The following SCN1B variants were observed in gnomAD, a reference collection of about 807,000 sequenced individuals.
SCN1B encodes sodium channel regulatory subunit beta-1.
A neutral mutation model predicts 25.7 loss-of-function variants in SCN1B; 11 were observed. The observed-to-expected ratio is 0.43, with a 90% CI of 0.27 to 0.71. SCN1B has a LOEUF of 0.71. Among genes scored for constraint, SCN1B ranks in the 30% least tolerant of loss-of-function variants. The pLI is 0.21. For missense variants in SCN1B, 224 were observed against 291.5 expected (o/e 0.77, Z 1.69); for synonymous variants, 119 against 117.5 (o/e 1.01, Z -0.08).
chr19:35,030,749 G>A lies in SCN1B; in HGVS notation c.-72G>A, dbSNP rs1568347863. The A allele has an allele frequency of 8.4e-6, 4 of 478,046 alleles. No individual in the cohort carries two copies. Among genetic ancestry groups the A allele is most frequent in the Middle Eastern group, 6.9e-4 (1 of 1,442 alleles). The allele number at this position is 478,046 out of a possible 1,614,324, so 29.6% of individuals were successfully genotyped here. ...CCCGGGGACATTCTAACCGCCGCCA[G>A]GTCCCGCCGCCTCTCGCCCCGCTAT... On this transcript the variant is annotated 5_prime_UTR_variant, in exon 1 of 6. Transcript: ENST00000262631.
intron 3 of SCN1B, chr19:35,037,958 CTT>C (rs1243802312): frequency 6.6e-6 from 1 of 151,672 alleles, no homozygotes; most frequent in Non-Finnish European, 1.5e-5. Context: ...GACCCTGTCT[CTT>C]AAAAAAATAA....
chr19:35,036,879 G>T (rs984178163), intron 3 of SCN1B: 1 of 151,378 alleles, frequency 6.6e-6, no homozygotes. Flanking sequence ...CTCAGCCTCC[G>T]AAGTAGCTGG....
chr19:35,031,308 G>T (rs1311032247), intron 1 of SCN1B: 1 of 151,834 alleles, frequency 6.6e-6, no homozygotes, highest in Non-Finnish European at 1.5e-5. Context: ...GGTCCGCTGG[G>T]ATGCTGGGGA....
Position 35,039,782 on chromosome 19 carries a change from C to G in SCN1B, c.*6-15C>G. ...CCCCCAGGTCCCTAATTCCCCCTCTCTTGCTCCCCTTCAGGCCCTGGGCCC... is the reference window on the plus strand; with the variant it reads ...CCCCCAGGTCCCTAATTCCCCCTCTGTTGCTCCCCTTCAGGCCCTGGGCCC... On this transcript the variant is annotated splice_polypyrimidine_tract_variant and intron_variant, in intron 5 of 5. Coordinates refer to ENST00000262631, the MANE Select transcript of SCN1B (RefSeq NM_001037.5). 6.9e-7 allele frequency: 1 copy of G among 1,444,188 alleles called. No individual in the cohort carries two copies. Among genetic ancestry groups the G allele is most frequent in the Non-Finnish European group, 9.6e-7 (1 of 1,037,894 alleles). The allele number at this position is 1,444,188 out of a possible 1,614,324, so 89.5% of individuals were successfully genotyped here.
chr19:35,039,573 T>TC, intron 4 of SCN1B, 62 bp from the exon 5 acceptor site: 1 of 1,526,342 alleles, frequency 6.6e-7, no homozygotes, highest in Non-Finnish European at 9.1e-7. Context: ...CCTTCCCCCA[T>TC]CCCCCGGGGG....
In SCN1B at chr19:35,032,446, G is replaced by T; in HGVS notation, c.41-82G>T. On this transcript the variant is annotated intron_variant, in intron 1 of 5. Transcript: ENST00000262631. The surrounding 1 kb of genome is among the most constrained non-coding windows in gnomAD (Gnocchi z 4.3). The stretch of plus-strand genomic sequence containing the variant: ...CCTGTCTGCTGGTAATCATTGAGGG[G>T]GGAACAGATGGTTTGTGAGGGGTCT... 6.6e-7 allele frequency: 1 copy of T among 1,524,566 alleles called. No individual in the cohort carries two copies. The allele number at this position is 1,524,566 out of a possible 1,614,324, so 94.4% of individuals were successfully genotyped here. A position where few individuals can be genotyped will look rare whatever the true frequency, so the allele number is the denominator to read the frequency against.
chr19:35,033,663 C>T lies in SCN1B; in HGVS notation c.372C>T (p.Tyr124=). ...NHSGDYECHV[Y]RLLFFENYEH... Reference sequence around the variant, plus strand: ...CGGGCGACTACGAGTGCCACGTCTACCGCCTGCTCTTCTTCGAAAACTACG... The same window carrying T: ...CGGGCGACTACGAGTGCCACGTCTATCGCCTGCTCTTCTTCGAAAACTACG... The change falls in exon 3 of 6, where the codon TAC becomes TAT. Residue 124 remains tyrosine, a synonymous_variant. Coordinates refer to ENST00000262631, the MANE Select transcript of SCN1B (RefSeq NM_001037.5). 6.2e-7 allele frequency: 1 copy of T among 1,614,174 alleles called. No homozygotes were observed. The highest frequency in any genetic ancestry group is 1.7e-5 in the Admixed American group (1 of 60,022).
rs1182284975 is a variant in SCN1B at position 35,039,908 on chromosome 19, G to A, written c.*117G>A. 1.6e-6 allele frequency: 1 copy of A among 609,160 alleles called. No homozygotes were observed. The highest frequency in any genetic ancestry group is 2.9e-6 in the Non-Finnish European group (1 of 345,008). 37.7% of individuals were successfully genotyped at this position (609,160 alleles called of 1,614,324 possible). ...GGGCCCCAGAAAGCCTCAGAGTCCTGCCGACGGAGCCACTGGGGTGGGAGG... is the reference window on the plus strand; with the variant it reads ...GGGCCCCAGAAAGCCTCAGAGTCCTACCGACGGAGCCACTGGGGTGGGAGG... On this transcript the variant is annotated 3_prime_UTR_variant, in exon 6 of 6. Transcript: ENST00000262631.
intron 4 of SCN1B, 130 bp from the exon 5 acceptor site, chr19:35,039,505 C>T (rs2064271257): frequency 9.8e-7 from 1 of 1,022,898 alleles, no homozygotes; most frequent in South Asian, 1.3e-5. Flanking sequence ...GGAGTCCACC[C>T]ATAGACTCCT....
At position 35,033,449 on chromosome 19, in the gene SCN1B, G is replaced by C. The variant is rs754524553; in HGVS notation, c.208-50G>C. On this transcript the variant is annotated intron_variant, in intron 2 of 5. Coordinates refer to ENST00000262631, the MANE Select transcript of SCN1B (RefSeq NM_001037.5). Reference sequence around the variant, plus strand: ...AGGGGACAGAATCAGGGTCAGGTAAGGGAAGAGAGGCCCAGGCAGTGACAC... The same window carrying C: ...AGGGGACAGAATCAGGGTCAGGTAACGGAAGAGAGGCCCAGGCAGTGACAC... 2.5e-5 allele frequency: 41 copies of C among 1,611,106 alleles called. 1 individual carries two copies. The South Asian group carries it at 4.3e-4, about 17-fold the overall frequency.
In SCN1B at chr19:35,032,486, CAATGGGTGCCT is replaced by C. The variant is rs780469360; in HGVS notation, c.41-41_41-31del. 6.2e-7 allele frequency: 1 copy of C among 1,609,720 alleles called. No homozygotes were observed. Among genetic ancestry groups the C allele is most frequent in the South Asian group, 1.1e-5 (1 of 90,998 alleles). On this transcript the variant is annotated intron_variant, in intron 1 of 5. Coordinates refer to ENST00000262631, the MANE Select transcript of SCN1B (RefSeq NM_001037.5). This position sits in a 1 kb window ranked among gnomAD's most constrained non-coding sequence, Gnocchi z 4.3. Reference sequence around the variant, plus strand: ...GTGAGGGGTCTGGCATTGCTTAGGGCAATGGGTGCCTCTGCCTGACCTGAGCCTGCTGTCCC... The same window carrying C: ...GTGAGGGGTCTGGCATTGCTTAGGGCCTGCCTGACCTGAGCCTGCTGTCCC...
At position 35,032,358 on chromosome 19, in the gene SCN1B, C is replaced by T. The variant is rs1354812311; in HGVS notation, c.41-170C>T. Among the ~76,000 whole-genome samples the T allele has an allele frequency of 6.6e-6, 1 of 152,266 alleles. No homozygotes were observed. Among genetic ancestry groups the T allele is most frequent in the Non-Finnish European group, 1.5e-5 (1 of 68,054 alleles). On this transcript the variant is annotated intron_variant, in intron 1 of 5. Coordinates refer to ENST00000262631, the MANE Select transcript of SCN1B (RefSeq NM_001037.5). The surrounding 1 kb of genome is among the most constrained non-coding windows in gnomAD (Gnocchi z 4.3). ...TCAACAAGAGAGAGGGAAACTGAGA[C>T]TCAGGGATGAATGACTTGCTGAGGT...
intron 3 of SCN1B, chr19:35,036,033 A>G (rs1338565392): frequency 7.0e-6 from 1 of 143,790 alleles, no homozygotes; most frequent in East Asian, 2.1e-4. Context: ...TACGCCCGGC[A>G]ATTTTTTTTT....
At position 35,032,631 on chromosome 19, in the gene SCN1B, G is replaced by A; in HGVS notation, c.144G>A (p.Glu48=). 6.2e-7 allele frequency: 1 copy of A among 1,614,162 alleles called. No individual in the cohort carries two copies. Among genetic ancestry groups the A allele is most frequent in the South Asian group, 1.1e-5 (1 of 91,080 alleles). ...ILCISCKRRS[E]TNAETFTEWT... ...GCATCTCCTGCAAGCGCCGCAGCGA[G>A]ACCAACGCTGAGACCTTCACCGAGT... The change falls in exon 2 of 6, where the codon GAG becomes GAA. Residue 48 remains glutamate (E), a synonymous_variant. Coordinates refer to ENST00000262631, the MANE Select transcript of SCN1B (RefSeq NM_001037.5). This position sits in a 1 kb window ranked among gnomAD's most constrained non-coding sequence, Gnocchi z 4.3.
In SCN1B at chr19:35,033,735, C is replaced by T. The variant is rs2151746505; in HGVS notation, c.444C>T (p.Asp148=). 1 of 1,614,158 alleles carries T rather than the reference C, an allele frequency of 6.2e-7. No individual in the cohort carries two copies. The change falls in exon 3 of 6, where the codon GAC becomes GAT. Residue 148 remains aspartate (D), a synonymous_variant. Transcript: ENST00000262631. ...AGAAGATCCACATTGAGGTAGTGGA[C>T]AAAGGTGAGTCGGGTGCTGCCTGCC... ...VVKKIHIEVV[D]KANRDMASIV...
rs545344331 is a variant in SCN1B at position 35,036,751 on chromosome 19, T to G, written c.449-2366T>G. On this transcript the variant is annotated intron_variant, in intron 3 of 5. Coordinates refer to ENST00000262631, the MANE Select transcript of SCN1B (RefSeq NM_001037.5). Reference sequence around the variant, plus strand: ...CCCAGCCTATTATTATTATTATTATTATTATTATTATTATTTCAAGTTAGA... The same window carrying G: ...CCCAGCCTATTATTATTATTATTATGATTATTATTATTATTTCAAGTTAGA... 4.0e-5 allele frequency: 6 copies of G among 149,234 alleles called. No homozygotes were observed. In the South Asian group the frequency reaches 6.4e-4, roughly 16 times the overall value. 9.2% of individuals were successfully genotyped at this position (149,234 alleles called of 1,614,324 possible).
chr19:35,038,982 G>C (rs927424653), intron 3 of SCN1B, 135 bp from the exon 4 acceptor site: 6 of 1,049,234 alleles, frequency 5.7e-6, no homozygotes, highest in Non-Finnish European at 8.8e-6. Flanking sequence ...CCAAGGCTGG[G>C]TATTAATAAT....
intron 4 of SCN1B, 98 bp from the exon 5 acceptor site, chr19:35,039,537 C>T (rs931209096): frequency 8.1e-7 from 1 of 1,234,446 alleles, no homozygotes; most frequent in Admixed American, 1.8e-5. Flanking sequence ...CTAAGGAGCC[C>T]TGTGTACCTG....
At chr19:35,031,500 T>C (rs1301571229) in intron 1 of SCN1B, 3 of 149,508 alleles carry the variant, frequency 2.0e-5, no homozygotes, top group Non-Finnish European at 3.0e-5. Context: ...TTGCATGGAG[T>C]TTGAAAAGGG....
Sources: gnomAD v4.1 joint callset for allele counts (sites outside exome capture counted in the v4.1 genomes callset) on GRCh38, gnomAD v4.1.1 for gene constraint, Gnocchi (gnomAD v3.1) non-coding constraint, MANE v1.5 for transcripts, NCBI Gene and HGNC (gene_info 2026-07-23, HGNC 2026-07-21) for gene names.